GALNT12: variants seen among roughly 807,000 people sequenced by gnomAD.
The protein encoded by GALNT12 is polypeptide N-acetylgalactosaminyltransferase 12.
Under a neutral mutation model 55.5 loss-of-function variants are expected in GALNT12, and 45 were observed. The ratio of observed to expected loss-of-function variants is 0.81; its 90% CI spans 0.64 to 1.04. The LOEUF is 1.04. Among genes scored for constraint, GALNT12 ranks in the 50% least tolerant of loss-of-function variants. GALNT12 has a pLI of 0.00. For missense variants in GALNT12, 709 were observed against 754.8 expected (o/e 0.94, Z 0.71); for synonymous variants, 304 against 312.2 (o/e 0.97, Z 0.28).
At chr9:98,833,548 T>C (rs1339090318) in intron 4 of GALNT12, among the ~76,000 whole-genome samples, 1 of 152,132 alleles carries the variant, frequency 6.6e-6, no homozygotes. Context: ...TAGGCAGGGA[T>C]ACCATTAGGA....
At chr9:98,827,451 G>A (rs1588447125) in intron 3 of GALNT12, among the ~76,000 whole-genome samples, 1 of 152,150 alleles carries the variant, frequency 6.6e-6, no homozygotes, top group South Asian at 2.1e-4. Flanking sequence ...CTGACGTCAG[G>A]CGTGAGCCAC....
chr9:98,849,084 A>G lies in GALNT12; in HGVS notation c.1738A>G (p.Met580Val), dbSNP rs1060502966. Residue 580 changes from methionine (M) to valine (V), a missense_variant, in exon 10 of 10, where the codon ATG becomes GTG. This residue lies in a region of GALNT12 where 262 missense variants were observed against 310.7 expected (regional missense o/e 0.84). Coordinates refer to ENST00000375011, the MANE Select transcript of GALNT12 (RefSeq NM_024642.5). ...TCAGAAATGGTTCTTCAAAGAGCGC[A>G]TGTTATGAAGCCTCGTGTATCAAGG... is the stretch of plus-strand genomic sequence containing the variant. The part of the protein sequence containing the change: ...DHQKWFFKER[M>V]L 1 of 1,614,224 alleles carries G rather than the reference A, an allele frequency of 6.2e-7. No homozygotes were observed. The highest frequency in any genetic ancestry group is 8.5e-7 in the Non-Finnish European group (1 of 1,180,024).
At position 98,827,272 on chromosome 9, in the gene GALNT12, C is replaced by A. The variant is rs144548204; in HGVS notation, c.731+331C>A. ...AATGGTGTGATCTCGGCTCACCGCA[C>A]CCTCTGCCTCCCGGGATCAAGCGAT... On this transcript the variant is annotated intron_variant, in intron 3 of 9. Coordinates refer to ENST00000375011, the MANE Select transcript of GALNT12 (RefSeq NM_024642.5). Among the ~76,000 whole-genome samples, 1,179 of 149,732 alleles carry A rather than the reference C, an allele frequency of 7.9e-3. 15 individuals are homozygous for A. The highest frequency in any genetic ancestry group is 0.027 in the African/African-American group (1,079 of 40,674).
At chr9:98,831,483 T>A (rs1835990286) in intron 3 of GALNT12, among the ~76,000 whole-genome samples, 1 of 152,194 alleles carries the variant, frequency 6.6e-6, no homozygotes, top group South Asian at 2.1e-4. Context: ...TCTGAGAAAT[T>A]GAAATCATAG....
chr9:98,845,990 C>T lies in GALNT12; in HGVS notation c.1472C>T (p.Thr491Met), dbSNP rs267606840. Reference sequence around the variant, plus strand: ...CCCCATTTTTAGTTTTTCGAGTACACGTCCCAGAAAGAAATACGCTATAAC... The same window carrying T: ...CCCCATTTTTAGTTTTTCGAGTACATGTCCCAGAAAGAAATACGCTATAAC... ...GMGQNQFFEYTSQKEIRYNTH... is the reference protein window; with the variant it reads ...GMGQNQFFEYMSQKEIRYNTH... Residue 491 changes from threonine (T) to methionine (M), a missense_variant, in exon 9 of 10, where the codon ACG (threonine) becomes ATG (methionine). Thr to Met is a moderately conservative substitution (Grantham distance 81). This residue lies in a region of GALNT12 where 262 missense variants were observed against 310.7 expected (regional missense o/e 0.84). Coordinates refer to ENST00000375011, the MANE Select transcript of GALNT12 (RefSeq NM_024642.5). 3.7e-6 allele frequency: 6 copies of T among 1,614,108 alleles called. No individual in the cohort carries two copies. Among genetic ancestry groups the T allele is most frequent in the Non-Finnish European group, 5.1e-6 (6 of 1,179,994 alleles).
chr9:98,822,400 G>A lies in GALNT12; in HGVS notation c.372-856G>A, dbSNP rs111445262. On this transcript the variant is annotated intron_variant, in intron 1 of 9. Coordinates refer to ENST00000375011, the MANE Select transcript of GALNT12 (RefSeq NM_024642.5). Reference sequence around the variant, plus strand: ...TCAGGATAGAATTCTGTGTCAACCAGGGAACCTTCAGTTCAAAGTGACGGC... The same window carrying A: ...TCAGGATAGAATTCTGTGTCAACCAAGGAACCTTCAGTTCAAAGTGACGGC... Among the ~76,000 whole-genome samples, 1,387 of 152,288 alleles carry A rather than the reference G, an allele frequency of 9.1e-3. 11 individuals carry two copies. Among genetic ancestry groups the A allele is most frequent in the African/African-American group, 0.032 (1,329 of 41,548 alleles).
chr9:98,818,980 C>T (rs779479057), intron 1 of GALNT12, among the ~76,000 whole-genome samples: 4 of 152,116 alleles, frequency 2.6e-5, no homozygotes, highest in African/African-American at 4.8e-5. Flanking sequence ...GGCTCATTCA[C>T]GTGGCTGGAA....
At chr9:98,848,841 C>A in intron 9 of GALNT12, 111 bp from the exon 10 acceptor site, 1 of 1,281,224 alleles carries the variant, frequency 7.8e-7, no homozygotes, top group Non-Finnish European at 1.1e-6. Flanking sequence ...ACTTACCCCT[C>A]AATAAATATT....
intron 4 of GALNT12, among the ~76,000 whole-genome samples, chr9:98,833,005 A>G (rs190893502): frequency 7.9e-5 from 12 of 152,236 alleles, no homozygotes; most frequent in Middle Eastern, 3.4e-3. Context: ...TCATATGCTC[A>G]TTCTTGAGGA....
chr9:98,813,678 T>G (rs1338687439), intron 1 of GALNT12, among the ~76,000 whole-genome samples: 5 of 152,132 alleles, frequency 3.3e-5, no homozygotes, highest in African/African-American at 1.2e-4. Context: ...TTTTGTATTT[T>G]TAGTAGAAAC....
At chr9:98,831,471 C>T (rs908425820) in intron 3 of GALNT12, among the ~76,000 whole-genome samples, 4 of 152,204 alleles carry the variant, frequency 2.6e-5, no homozygotes, top group Admixed American at 1.3e-4. Context: ...ACCTCTTGCA[C>T]TTCTGAGAAA....
chr9:98,843,280 C>T (rs569522125), intron 7 of GALNT12, among the ~76,000 whole-genome samples: 41 of 152,258 alleles, frequency 2.7e-4, no homozygotes, highest in African/African-American at 8.7e-4. Flanking sequence ...TACAGTACTA[C>T]AGCTTAGAGT....
intron 4 of GALNT12, 89 bp downstream of exon 4, chr9:98,832,046 G>A (rs959295686): frequency 8.6e-7 from 1 of 1,166,248 alleles, no homozygotes; most frequent in Non-Finnish European, 1.3e-6. Flanking sequence ...GGGAGGAATG[G>A]TTAGCTGTCA....
Position 98,823,168 on chromosome 9 carries a change from G to T in GALNT12, c.372-88G>T, listed in dbSNP as rs1835783696. The T allele has an allele frequency of 2.1e-5, 26 of 1,226,342 alleles. No homozygotes were observed. The South Asian group carries it at 3.0e-4, about 14-fold the overall frequency. 76.0% of individuals were successfully genotyped at this position (1,226,342 alleles called of 1,614,324 possible). ...GTGGATTATGTCCCCTTCCGCAGGGGACCATGACCTATGTCCCCTTTGTCA... is the reference window on the plus strand; with the variant it reads ...GTGGATTATGTCCCCTTCCGCAGGGTACCATGACCTATGTCCCCTTTGTCA... On this transcript the variant is annotated intron_variant, in intron 1 of 9. Coordinates refer to ENST00000375011, the MANE Select transcript of GALNT12 (RefSeq NM_024642.5).
Position 98,837,445 on chromosome 9 carries a change from G to A in GALNT12, c.1212+297G>A, listed in dbSNP as rs184911087. 1.5e-4 allele frequency among the ~76,000 whole-genome samples: 23 copies of A among 152,296 alleles called. No homozygotes were observed. In the East Asian group the frequency reaches 4.4e-3, roughly 29 times the overall value. ...CCTGCCAGACTTGGGGCACAGTTTT[G>A]TCAGCAGATCAATACAGAACCTTGT... On this transcript the variant is annotated intron_variant, in intron 6 of 9. Coordinates refer to ENST00000375011, the MANE Select transcript of GALNT12 (RefSeq NM_024642.5).
At chr9:98,841,949 A>G (rs1836299447) in intron 7 of GALNT12, among the ~76,000 whole-genome samples, 1 of 151,964 alleles carries the variant, frequency 6.6e-6, no homozygotes, top group Admixed American at 6.6e-5. Context: ...AACTATTGGG[A>G]TTACAGGCAT....
chr9:98,820,897 A>G (rs1228184156), intron 1 of GALNT12, among the ~76,000 whole-genome samples: 1 of 152,222 alleles, frequency 6.6e-6, no homozygotes. Context: ...CTGGAGCACA[A>G]AGGTAATTTT....
chr9:98,846,104 A>G lies in GALNT12; in HGVS notation c.1586A>G (p.Gln529Arg). The G allele has an allele frequency of 6.2e-7, 1 of 1,614,216 alleles. No individual in the cohort carries two copies. The highest frequency in any genetic ancestry group is 8.5e-7 in the Non-Finnish European group (1 of 1,180,028). ...TGCGAAGAAACTGCCCCAGAGAATC[A>G]GAAGTTCATCTTGCAGGAGGTAGGT... ...HLCEETAPEN[Q>R]KFILQEDGSL... The change falls in exon 9 of 10, where the codon CAG becomes CGG. Residue 529 changes from glutamine to arginine, a missense_variant. Gln to Arg is a conservative substitution (Grantham distance 43). Around this residue, in one of 5 missense-constraint regions of GALNT12, gnomAD observed 262 missense variants for 310.7 expected, o/e 0.84. Coordinates refer to ENST00000375011, the MANE Select transcript of GALNT12 (RefSeq NM_024642.5).
chr9:98,840,262 A>AC lies in GALNT12; in HGVS notation c.1344+135dup, dbSNP rs145380479. 0.055 allele frequency: 49,270 copies of AC among 896,280 alleles called. 1,569 individuals are homozygous for AC. The highest frequency in any genetic ancestry group is 0.13 in the East Asian group (4,761 of 36,398). 55.5% of individuals were successfully genotyped at this position (896,280 alleles called of 1,614,324 possible). ...TTCCTCCACTCCCACCCGCCTGCCC[A>AC]CCCCCCACCACCTTTTTATCCACTG... On this transcript the variant is annotated intron_variant, in intron 7 of 9. Transcript: ENST00000375011.
Sources: gnomAD v4.1 joint callset for allele counts (sites outside exome capture counted in the v4.1 genomes callset) on GRCh38, gnomAD v4.1.1 for gene constraint, gnomAD v4.1.1 regional missense constraint, MANE v1.5 for transcripts, NCBI Gene and HGNC (gene_info 2026-07-23, HGNC 2026-07-21) for gene names.